Variants in TMEM108 observed in about 807,000 individuals in gnomAD.
TMEM108 encodes the protein cancer/testis antigen 124.
TMEM108 carries 12 observed loss-of-function variants against 35.1 expected under a neutral mutation model. The ratio of observed to expected loss-of-function variants is 0.34; its 90% CI spans 0.22 to 0.55. The LOEUF (loss-of-function observed/expected upper bound fraction) is 0.55, where lower values mean the gene tolerates loss of function less well. Ranked by LOEUF, TMEM108 falls within the 20% of genes least tolerant of loss-of-function variation. The probability of loss-of-function intolerance (pLI) is 0.89; values close to 1 mark genes in which losing one functional copy is unlikely to be tolerated. For synonymous variants in TMEM108, 287 were observed against 308.6 expected (o/e 0.93, Z 0.73); for missense variants, 680 against 753.3 (o/e 0.90, Z 1.14).
chr3:133,208,052 C>T (rs1945784186), intron 2 of TMEM108, among the ~76,000 whole-genome samples: 1 of 152,184 alleles, frequency 6.6e-6, no homozygotes. Flanking sequence ...TCCAAGGTCA[C>T]AGTTGTACAG....
chr3:133,327,544 C>G (rs949993894), intron 3 of TMEM108, among the ~76,000 whole-genome samples: 2 of 152,150 alleles, frequency 1.3e-5, no homozygotes, highest in Non-Finnish European at 2.9e-5. Context: ...TGTCCATTGG[C>G]AGGAGGGCCT....
At chr3:133,104,378 C>T (rs1944124592) in intron 2 of TMEM108, among the ~76,000 whole-genome samples, 2 of 152,186 alleles carry the variant, frequency 1.3e-5, no homozygotes, top group Non-Finnish European at 2.9e-5. Flanking sequence ...GAATGTTTCT[C>T]ACCTCTTGAA....
At chr3:133,057,429 GTGTGTGTATATATATATATATA>G (rs1304998734) in intron 2 of TMEM108, among the ~76,000 whole-genome samples, 1 of 30,624 alleles carries the variant, frequency 3.3e-5, no homozygotes, top group Non-Finnish European at 7.1e-5. Flanking sequence ...AGTTGTGTGT[GTGTGTGTATATATATATATATA>G]TATATATATA....
chr3:133,069,085 C>T (rs1943645945), intron 2 of TMEM108, among the ~76,000 whole-genome samples: 1 of 152,126 alleles, frequency 6.6e-6, no homozygotes, highest in Admixed American at 6.5e-5. Flanking sequence ...GTTGTGAGAG[C>T]CCTTGAATGA....
intron 3 of TMEM108, among the ~76,000 whole-genome samples, chr3:133,302,415 C>CTTTTTTTTTTTT (rs927704510): frequency 1.1e-4 from 12 of 110,098 alleles, no homozygotes; most frequent in East Asian, 9.2e-4. Flanking sequence ...TTCTTTCTTT[C>CTTTTTTTTTTTT]TTTTTTTTTT....
chr3:133,274,300 T>A (rs1946810822), intron 3 of TMEM108, among the ~76,000 whole-genome samples: 1 of 152,220 alleles, frequency 6.6e-6, no homozygotes, highest in African/African-American at 2.4e-5. Flanking sequence ...CTGTAGAGAA[T>A]CCTGTTAGGA....
chr3:133,363,414 TTA>T (rs2072413406), intron 3 of TMEM108, among the ~76,000 whole-genome samples: 2 of 123,910 alleles, frequency 1.6e-5, no homozygotes, highest in Admixed American at 8.5e-5. Context: ...CTGCTTTTCA[TTA>T]TTTTTTTTTT....
chr3:133,056,308 G>A (rs180821383), intron 2 of TMEM108, among the ~76,000 whole-genome samples: 1 of 152,248 alleles, frequency 6.6e-6, no homozygotes, highest in Non-Finnish European at 1.5e-5. Flanking sequence ...CAGTGCTCCT[G>A]TTTCTTTTCA....
intron 3 of TMEM108, among the ~76,000 whole-genome samples, chr3:133,238,927 C>T (rs1046385531): frequency 8.5e-5 from 13 of 152,166 alleles, no homozygotes; most frequent in Non-Finnish European, 2.9e-5. Context: ...ATGAACGGAA[C>T]TTCACCATTC....
At chr3:133,073,532 A>ATATATATATATATATATATATT (rs1324857078) in intron 2 of TMEM108, among the ~76,000 whole-genome samples, 2 of 134,410 alleles carry the variant, frequency 1.5e-5, no homozygotes, top group African/African-American at 5.7e-5. Context: ...ATATATATAT[A>ATATATATATATATATATATATT]TATCACATTT....
intron 2 of TMEM108, among the ~76,000 whole-genome samples, chr3:133,212,534 T>G (rs1320353835): frequency 1.3e-5 from 2 of 151,950 alleles, no homozygotes; most frequent in Non-Finnish European, 2.9e-5. Flanking sequence ...GTATAAAAAT[T>G]TAAAAGATAG....
At chr3:133,298,780 G>C (rs1461396701) in intron 3 of TMEM108, among the ~76,000 whole-genome samples, 1 of 152,154 alleles carries the variant, frequency 6.6e-6, no homozygotes, top group Non-Finnish European at 1.5e-5. Context: ...GTGCTCAGCT[G>C]TGCTCATAAC....
chr3:133,393,649 T>A (rs1290387147), intron 5 of TMEM108, among the ~76,000 whole-genome samples: 6 of 152,194 alleles, frequency 3.9e-5, no homozygotes, highest in Non-Finnish European at 1.5e-5. Context: ...ATGGAAAAGG[T>A]GTTCCTGAGA....
At chr3:133,392,140 CTTT>C (rs548497085) in intron 5 of TMEM108, among the ~76,000 whole-genome samples, 7 of 140,748 alleles carry the variant, frequency 5.0e-5, no homozygotes, top group Non-Finnish European at 6.3e-5. Flanking sequence ...CACTTCTCTT[CTTT>C]TTTTTTTTTT....
At chr3:133,177,517 C>G (rs982596529) in intron 2 of TMEM108, among the ~76,000 whole-genome samples, 1 of 152,182 alleles carries the variant, frequency 6.6e-6, no homozygotes, top group Admixed American at 6.5e-5. Context: ...TCAACATACA[C>G]AAATCAATAA....
chr3:133,120,785 A>G (rs1052842351), intron 2 of TMEM108: 42 of 152,218 alleles, frequency 2.8e-4, no homozygotes, highest in African/African-American at 9.6e-4. Flanking sequence ...AGTGCCTAGC[A>G]TAGATAGCAC....
At chr3:133,250,878 C>A (rs1046279926) in intron 3 of TMEM108, among the ~76,000 whole-genome samples, 1 of 151,834 alleles carries the variant, frequency 6.6e-6, no homozygotes, top group Non-Finnish European at 1.5e-5. Context: ...TTTACTTTGC[C>A]TCTCATTTTT....
intron 3 of TMEM108, among the ~76,000 whole-genome samples, chr3:133,240,135 G>T (rs1012890859): frequency 3.3e-5 from 5 of 152,040 alleles, no homozygotes; most frequent in Admixed American, 3.3e-4. Flanking sequence ...TAATTCTTTT[G>T]CAAATCAAAA....
At chr3:133,234,140 C>T (rs13062546) in intron 3 of TMEM108, among the ~76,000 whole-genome samples, 18,540 of 151,878 alleles carry the variant, frequency 0.12, 1,247 homozygotes, top group South Asian at 0.22. Context: ...AATGGTAATG[C>T]CTAGGTTTTC....
Sources: allele counts gnomAD v4.1 joint callset (sites outside exome capture counted in the v4.1 genomes callset), GRCh38; gene constraint gnomAD v4.1.1; transcripts MANE v1.5; gene names NCBI Gene and HGNC (gene_info 2026-07-23, HGNC 2026-07-21).